The following C20orf203 variants were observed in gnomAD, a reference collection of about 807,000 sequenced individuals.
C20orf203 encodes the protein chromosome 20 open reading frame 203.
Under a neutral mutation model 15.9 loss-of-function variants are expected in C20orf203, and 16 were observed. The observed-to-expected ratio is 1.01, with a 90% CI of 0.68 to 1.53. The LOEUF is 1.53. C20orf203 is among the 40% of genes most tolerant of loss of function. The pLI, the probability that C20orf203 is intolerant of heterozygous loss-of-function variation, is 0.00. For synonymous variants in C20orf203, 98 were observed against 97.2 expected, an observed-to-expected ratio of 1.01 and a Z score of -0.05; for missense variants, 263 against 247.5, an observed-to-expected ratio of 1.06 and a Z score of -0.42.
chr20:32,640,132 A>G (rs1162719913), intron 5 of C20orf203, among the ~76,000 whole-genome samples: 1 of 152,248 alleles, frequency 6.6e-6, no homozygotes, highest in Non-Finnish European at 1.5e-5. Context: ...ACCACATATT[A>G]TTAAATGAAA....
chr20:32,650,840 G>A lies in C20orf203; in HGVS notation c.177C>T (p.Asp59=). The change falls in exon 4 of 6, where the codon GAC becomes GAT. Residue 59 remains aspartate, a synonymous_variant. Coordinates refer to ENST00000608990, the MANE Select transcript of C20orf203 (RefSeq NM_182584.4). The stretch of plus-strand genomic sequence containing the variant: ...TCCTCCTTCCCGCCCCACCGCCAAG[G>A]TCCCAGAGGTGGGCAGTGAGTCCAG... ...VLAGLTAHLW[D]LGGGAGRRTS... 6.8e-7 allele frequency: 1 copy of A among 1,467,532 alleles called. No individual in the cohort carries two copies. The highest frequency in any genetic ancestry group is 1.4e-5 in the African/African-American group (1 of 70,620). 90.9% of individuals were successfully genotyped at this position (1,467,532 alleles called of 1,614,324 possible).
At position 32,631,963 on chromosome 20, in the gene C20orf203, G is replaced by C. The variant is rs1982005978; in HGVS notation, c.*3607C>G. On this transcript the variant is annotated 3_prime_UTR_variant, in exon 6 of 6. Transcript: ENST00000608990. Reference sequence around the variant, plus strand: ...GCAATCTGGAGGTATGTGACACCGGGACATTTACCCTGTGCGGTGGGCCCA... The same window carrying C: ...GCAATCTGGAGGTATGTGACACCGGCACATTTACCCTGTGCGGTGGGCCCA... The C allele has an allele frequency of 6.6e-6, 1 of 152,270 alleles. No individual in the cohort carries two copies. The highest frequency in any genetic ancestry group is 1.5e-5 in the Non-Finnish European group (1 of 68,072). 9.4% of individuals were successfully genotyped at this position (152,270 alleles called of 1,614,324 possible). A position where few individuals can be genotyped will look rare whatever the true frequency, so the allele number is the denominator to read the frequency against.
Position 32,650,504 on chromosome 20 carries a change from T to C in C20orf203, c.513A>G (p.Pro171=). 1.4e-5 allele frequency: 21 copies of C among 1,550,556 alleles called. No homozygotes were observed. The highest frequency in any genetic ancestry group is 1.7e-5 in the Non-Finnish European group (20 of 1,146,964). The change falls in exon 4 of 6, where the codon CCA becomes CCG. Residue 171 remains proline, a synonymous_variant. Transcript: ENST00000608990. ...CFQDFCLPSL[P]GKLPAPLISK... ...TAATTAAAGGTGCAGGCAACTTGCC[T>C]GGCAAGGATGGGAGGCAGAAGTCCT... is the stretch of plus-strand genomic sequence containing the variant.
rs1982737583 is a variant in C20orf203 at position 32,655,657 on chromosome 20, G to A, written c.-263-3676C>T. ...AAAATATAAAAATTAGCCCGGCGTG[G>A]TGGCAGACGCCTGTAATCCCAGCTA... On this transcript the variant is annotated intron_variant, in intron 1 of 5. Coordinates refer to ENST00000608990, the MANE Select transcript of C20orf203 (RefSeq NM_182584.4). Among the ~76,000 whole-genome samples, 3 of 152,176 alleles carry A rather than the reference G, an allele frequency of 2.0e-5. No homozygotes were observed. In the South Asian group the frequency reaches 6.2e-4, roughly 32 times the overall value.
chr20:32,670,232 C>T (rs550721300), intron 1 of C20orf203, among the ~76,000 whole-genome samples: 58 of 150,362 alleles, frequency 3.9e-4, no homozygotes, highest in African/African-American at 1.3e-3. Context: ...AGGCCGGGCT[C>T]GGTGGCTCAC....
intron 5 of C20orf203, among the ~76,000 whole-genome samples, chr20:32,638,142 G>A (rs904170062): frequency 2.6e-5 from 4 of 152,150 alleles, no homozygotes; most frequent in Non-Finnish European, 2.9e-5. Context: ...TGGCATTTGG[G>A]GGTGGGTTCT....
chr20:32,662,750 G>A (rs1982919549), intron 1 of C20orf203, among the ~76,000 whole-genome samples: 1 of 151,852 alleles, frequency 6.6e-6, no homozygotes, highest in South Asian at 2.1e-4. Flanking sequence ...AAGCATGGTG[G>A]CTCATGCCTG....
At chr20:32,644,919 T>G (rs540764168) in intron 4 of C20orf203, among the ~76,000 whole-genome samples, 1 of 139,160 alleles carries the variant, frequency 7.2e-6, no homozygotes, top group South Asian at 2.4e-4. Flanking sequence ...CGGTGGTAAA[T>G]TAACATGTCC....
chr20:32,650,418 C>T lies in C20orf203; in HGVS notation c.*14G>A, dbSNP rs889965485. 3.0e-5 allele frequency: 46 copies of T among 1,539,110 alleles called. No homozygotes were observed. In the East Asian group the frequency reaches 4.7e-4, roughly 16 times the overall value. On this transcript the variant is annotated 3_prime_UTR_variant, in exon 4 of 6. Transcript: ENST00000608990. ...AGGCAGGCAGAGCTGGGGGTGGGGG[C>T]GCCCTGGGCTCGGCTAATTAAACAG...
Position 32,667,740 on chromosome 20 carries a change from G to A in C20orf203, c.-264+5892C>T, listed in dbSNP as rs113616099. On this transcript the variant is annotated intron_variant, in intron 1 of 5. Transcript: ENST00000608990. ...GGCTGGAGTGCAGTGGGGCAATCTC[G>A]GCTCACTGCAACCTCCACCTCCCAG... Among the ~76,000 whole-genome samples the A allele has an allele frequency of 8.5e-3, 1,292 of 152,114 alleles. 19 individuals carry two copies. The highest frequency in any genetic ancestry group is 0.03 in the African/African-American group (1,225 of 41,498).
chr20:32,637,809 T>C (rs923255112), intron 5 of C20orf203, among the ~76,000 whole-genome samples: 4 of 152,202 alleles, frequency 2.6e-5, no homozygotes, highest in Non-Finnish European at 5.9e-5. Context: ...ACACATTTGG[T>C]CTTTTGTTTA....
rs745604666 is a variant in C20orf203 at position 32,631,808 on chromosome 20, G to A, written c.*3762C>T. The A allele has an allele frequency of 1.3e-5, 2 of 152,198 alleles. No individual in the cohort carries two copies. The highest frequency in any genetic ancestry group is 2.9e-5 in the Non-Finnish European group (2 of 68,028). 9.4% of individuals were successfully genotyped at this position (152,198 alleles called of 1,614,324 possible). A position where few individuals can be genotyped will look rare whatever the true frequency, so the allele number is the denominator to read the frequency against. ...CGCTCATAAGAGGCAGGGTCTGTGG[G>A]GGTCAGGCCTGTTTGGTAGTCTCAA... On this transcript the variant is annotated 3_prime_UTR_variant, in exon 6 of 6. Coordinates refer to ENST00000608990, the MANE Select transcript of C20orf203 (RefSeq NM_182584.4).
chr20:32,664,199 T>C (rs952994663), intron 1 of C20orf203, among the ~76,000 whole-genome samples: 1 of 152,176 alleles, frequency 6.6e-6, no homozygotes, highest in Non-Finnish European at 1.5e-5. Flanking sequence ...GGGCCCTGGG[T>C]GCTGATCTGC....
chr20:32,662,417 C>T (rs1436033555), intron 1 of C20orf203, among the ~76,000 whole-genome samples: 1 of 152,152 alleles, frequency 6.6e-6, no homozygotes, highest in Non-Finnish European at 1.5e-5. Context: ...GCTTGGCCAA[C>T]ATGGTGAAAT....
chr20:32,662,196 TG>T (rs2145679550), intron 1 of C20orf203, among the ~76,000 whole-genome samples: 1 of 152,322 alleles, frequency 6.6e-6, no homozygotes, highest in South Asian at 2.1e-4. Flanking sequence ...CCTGGTGGTA[TG>T]GGGGTTTAGT....
chr20:32,647,399 A>T (rs1034794787), intron 4 of C20orf203, among the ~76,000 whole-genome samples: 3 of 149,746 alleles, frequency 2.0e-5, no homozygotes, highest in African/African-American at 7.4e-5. Context: ...CCGTCTCAAA[A>T]AAAAAAAAAA....
At chr20:32,647,537 C>T (rs1276280077) in intron 4 of C20orf203, among the ~76,000 whole-genome samples, 1 of 151,978 alleles carries the variant, frequency 6.6e-6, no homozygotes, top group African/African-American at 2.4e-5. Context: ...GACCCTGTTG[C>T]TACAATATAT....
intron 4 of C20orf203, among the ~76,000 whole-genome samples, chr20:32,643,830 C>T (rs145810449): frequency 2.5e-4 from 38 of 152,296 alleles, no homozygotes; most frequent in African/African-American, 8.2e-4. Context: ...TTGCAGCTTC[C>T]GTGAATCACA....
chr20:32,642,515 G>C (rs1333757294), intron 4 of C20orf203, among the ~76,000 whole-genome samples: 1 of 152,244 alleles, frequency 6.6e-6, no homozygotes, highest in Non-Finnish European at 1.5e-5. Context: ...GGCGCGGCGA[G>C]AGGCCACCAG....
Sources: allele counts gnomAD v4.1 joint callset (sites outside exome capture counted in the v4.1 genomes callset), GRCh38; gene constraint gnomAD v4.1.1; transcripts MANE v1.5; gene names NCBI Gene and HGNC (gene_info 2026-07-23, HGNC 2026-07-21).